TRERF1: variants seen among roughly 807,000 people sequenced by gnomAD.
TRERF1 encodes transcriptional regulating factor 1, also known as transcriptional-regulating factor 1.
Under a neutral mutation model 122.9 loss-of-function variants are expected in TRERF1, and 27 were observed. The ratio of observed to expected loss-of-function variants is 0.22; its 90% CI spans 0.16 to 0.30. The LOEUF is 0.30. TRERF1 is among the 10% of genes least tolerant of loss of function. The pLI is 1.00. For synonymous variants in TRERF1, 636 were observed against 641.7 expected (o/e 0.99, Z 0.13); for missense variants, 1,248 against 1,560.3 (o/e 0.80, Z 3.37).
At chr6:42,308,259 T>G (rs1175686023) in intron 3 of TRERF1, among the ~76,000 whole-genome samples, 1 of 152,242 alleles carries the variant, frequency 6.6e-6, no homozygotes, top group Non-Finnish European at 1.5e-5. Context: ...ATGTGTTATA[T>G]TCATACAATG....
chr6:42,328,004 C>CTTTTTTTT (rs36069546), intron 3 of TRERF1, among the ~76,000 whole-genome samples: 2 of 107,992 alleles, frequency 1.9e-5, no homozygotes, highest in African/African-American at 6.9e-5. Context: ...TTCTTTCTTT[C>CTTTTTTTT]TTTTTTTTTT....
intron 2 of TRERF1, among the ~76,000 whole-genome samples, chr6:42,400,529 C>G (rs1054358047): frequency 1.3e-5 from 2 of 152,182 alleles, no homozygotes; most frequent in African/African-American, 4.8e-5. Flanking sequence ...CAAAACACAA[C>G]CTTTCCCCAA....
chr6:42,325,837 T>C (rs1037627199), intron 3 of TRERF1, among the ~76,000 whole-genome samples: 2 of 152,198 alleles, frequency 1.3e-5, no homozygotes, highest in African/African-American at 4.8e-5. Flanking sequence ...ATAGCACCAC[T>C]GCACTCCAGC....
At chr6:42,277,595 A>G (rs1441011190) in intron 4 of TRERF1, among the ~76,000 whole-genome samples, 1 of 152,166 alleles carries the variant, frequency 6.6e-6, no homozygotes, top group Non-Finnish European at 1.5e-5. Context: ...TCATGCCTCT[A>G]ATCCCAGCAC....
At chr6:42,340,791 C>T (rs1229383008) in intron 3 of TRERF1, among the ~76,000 whole-genome samples, 3 of 152,252 alleles carry the variant, frequency 2.0e-5, no homozygotes, top group East Asian at 1.9e-4. Context: ...CTTCTCAGAT[C>T]GCAGTAAATT....
Position 42,268,226 on chromosome 6 carries a change from G to T in TRERF1, c.1365C>A (p.Ser455=), listed in dbSNP as rs1347609428. 2 of 1,495,668 alleles carry T rather than the reference G, an allele frequency of 1.3e-6. No homozygotes were observed. Among genetic ancestry groups the T allele is most frequent in the African/African-American group, 1.4e-5 (1 of 71,322 alleles). The allele number at this position is 1,495,668 out of a possible 1,614,324, so 92.6% of individuals were successfully genotyped here. A position where few individuals can be genotyped will look rare whatever the true frequency, so the allele number is the denominator to read the frequency against. ...TGTTGTTGAGGTGGATCCCACTGGG[G>T]GATAGGAGGGGGCGATGGGGGAGGG... The change falls in exon 5 of 18, where the codon TCC becomes TCA. Residue 455 remains serine, a synonymous_variant. Coordinates refer to ENST00000372922, the Ensembl canonical transcript of TRERF1. This position sits in a 1 kb window ranked among gnomAD's most constrained non-coding sequence, Gnocchi z 4.4.
intron 3 of TRERF1, among the ~76,000 whole-genome samples, chr6:42,301,947 G>A (rs952241546): frequency 6.6e-6 from 1 of 152,202 alleles, no homozygotes; most frequent in African/African-American, 2.4e-5. Flanking sequence ...GAGAACCACA[G>A]CAGGAGCTTT....
intron 2 of TRERF1, among the ~76,000 whole-genome samples, chr6:42,380,179 T>C (rs1775671344): frequency 7.9e-6 from 1 of 127,170 alleles, no homozygotes; most frequent in Non-Finnish European, 1.6e-5. Flanking sequence ...AGGAGTCCAG[T>C]GTGGTAACAG....
chr6:42,327,817 C>G (rs1402764410), intron 3 of TRERF1, among the ~76,000 whole-genome samples: 1 of 151,930 alleles, frequency 6.6e-6, no homozygotes, highest in Admixed American at 6.6e-5. Context: ...AAGGAGTCAG[C>G]CCTCCTGGAG....
At chr6:42,387,713 A>G (rs2151208725) in intron 2 of TRERF1, among the ~76,000 whole-genome samples, 1 of 152,258 alleles carries the variant, frequency 6.6e-6, no homozygotes, top group Admixed American at 6.5e-5. Context: ...TAATTGGGGG[A>G]AAAAAGCCAA....
chr6:42,450,194 T>C (rs1340164738), intron 2 of TRERF1, among the ~76,000 whole-genome samples: 1 of 152,168 alleles, frequency 6.6e-6, no homozygotes, highest in Non-Finnish European at 1.5e-5. Context: ...ACACCACACT[T>C]CCTATCGCCA....
chr6:42,349,754 T>C (rs984603949), intron 3 of TRERF1, among the ~76,000 whole-genome samples: 1 of 152,178 alleles, frequency 6.6e-6, no homozygotes, highest in Non-Finnish European at 1.5e-5. Flanking sequence ...TCAGCTCTGC[T>C]TCTGCCTGTT....
At chr6:42,282,366 G>C (rs975870922) in intron 4 of TRERF1, among the ~76,000 whole-genome samples, 2 of 152,176 alleles carry the variant, frequency 1.3e-5, no homozygotes, top group African/African-American at 4.8e-5. Context: ...TGGGCAACAT[G>C]GGGAAACCCT....
intron 2 of TRERF1, among the ~76,000 whole-genome samples, chr6:42,442,802 C>T (rs1486070882): frequency 6.6e-6 from 1 of 152,126 alleles, no homozygotes; most frequent in African/African-American, 2.4e-5. Context: ...TTATTTAATG[C>T]TGTATAGTAT....
chr6:42,380,779 C>T (rs1775780158), intron 2 of TRERF1, among the ~76,000 whole-genome samples: 1 of 152,210 alleles, frequency 6.6e-6, no homozygotes, highest in Non-Finnish European at 1.5e-5. Context: ...AGGGCAACCA[C>T]TAAAGATAGC....
exon 18 of TRERF1, chr6:42,226,672 G>C (rs1248968814): frequency 1.3e-5 from 2 of 152,218 alleles, no homozygotes; most frequent in African/African-American, 4.8e-5. Context: ...GTCTGTGTGG[G>C]GCTGCTGTGG....
At chr6:42,381,924 C>T (rs933109970) in intron 2 of TRERF1, among the ~76,000 whole-genome samples, 2 of 150,078 alleles carry the variant, frequency 1.3e-5, no homozygotes, top group African/African-American at 2.5e-5. Flanking sequence ...GCTGGAACTG[C>T]CAATGGCTGA....
At chr6:42,287,719 T>A (rs1783520533) in intron 4 of TRERF1, among the ~76,000 whole-genome samples, 1 of 152,124 alleles carries the variant, frequency 6.6e-6, no homozygotes, top group African/African-American at 2.4e-5. Context: ...AGATGATCAA[T>A]TCCTGCCCAC....
At chr6:42,253,449 G>C (rs1407866053) in intron 13 of TRERF1, among the ~76,000 whole-genome samples, 2 of 152,206 alleles carry the variant, frequency 1.3e-5, no homozygotes, top group African/African-American at 4.8e-5. Context: ...AGCAGCAGAT[G>C]ATGCTGGAAA....
Sources: gnomAD v4.1 joint callset for allele counts (sites outside exome capture counted in the v4.1 genomes callset) on GRCh38, gnomAD v4.1.1 for gene constraint, Gnocchi (gnomAD v3.1) non-coding constraint, MANE v1.5 for transcripts, NCBI Gene and HGNC (gene_info 2026-07-23, HGNC 2026-07-21) for gene names.